SPRY3: variants seen among roughly 807,000 people sequenced by gnomAD.
The protein encoded by SPRY3 is sprouty RTK signaling antagonist 3.
In SPRY3, 15 loss-of-function variants were observed where a neutral mutation model predicts 20.2. The observed-to-expected ratio is 0.74, with a 90% confidence interval of 0.50 to 1.14. The LOEUF is 1.14. SPRY3 is among the 50% of genes most tolerant of loss of function. The probability of loss-of-function intolerance (pLI) is 0.00; values close to 1 mark genes in which losing one functional copy is unlikely to be tolerated. For synonymous variants in SPRY3, 143 were observed against 136.5 expected, an observed-to-expected ratio of 1.05 and a Z score of -0.33; for missense variants, 364 against 363.9, an observed-to-expected ratio of 1.00 and a Z score of 0.00.
At chrX:155,760,401 T>C (rs2091299441) in intron 2 of SPRY3, among the ~76,000 whole-genome samples, 1 of 152,178 alleles carries the variant, frequency 6.6e-6, no homozygotes, top group Non-Finnish European at 1.5e-5. Context: ...CTATAGTTAC[T>C]ATTTATTTGA....
intron 1 of SPRY3, among the ~76,000 whole-genome samples, chrX:155,656,651 G>C (rs7064527): frequency 1.2e-4 from 13 of 110,964 alleles, no homozygotes; most frequent in African/African-American, 4.3e-4. Flanking sequence ...GAGAGGAATT[G>C]CAGTCATTTG....
intron 2 of SPRY3, among the ~76,000 whole-genome samples, chrX:155,730,874 C>A (rs1188660653): frequency 6.6e-6 from 1 of 151,892 alleles, no homozygotes; most frequent in Non-Finnish European, 1.5e-5. Context: ...CAACAGTGAA[C>A]CATCTGAAAA....
intron 1 of SPRY3, among the ~76,000 whole-genome samples, chrX:155,613,120 A>G (rs2067836734): frequency 8.9e-6 from 1 of 112,021 alleles, no homozygotes; most frequent in Admixed American, 9.4e-5. Flanking sequence ...GGGATGAGAA[A>G]AAACAGGCCC....
chrX:155,731,078 A>C (rs972726409), intron 2 of SPRY3, among the ~76,000 whole-genome samples: 2 of 152,126 alleles, frequency 1.3e-5, no homozygotes, highest in Non-Finnish European at 2.9e-5. Context: ...AAAAATGTCC[A>C]TACTACCCAA....
intron 2 of SPRY3, among the ~76,000 whole-genome samples, chrX:155,682,858 C>T (rs747865170): frequency 1.8e-5 from 2 of 111,863 alleles, no homozygotes; most frequent in East Asian, 2.8e-4. Flanking sequence ...AGAATATTCA[C>T]GATTCATGAG....
intron 2 of SPRY3, among the ~76,000 whole-genome samples, chrX:155,673,133 G>A (rs1299430954): frequency 5.3e-4 from 53 of 99,474 alleles, no homozygotes; most frequent in African/African-American, 1.9e-3. Flanking sequence ...GTTAATGGGT[G>A]CAGCACACCA....
At position 155,755,080 on chromosome X, in the gene SPRY3, A is replaced by T. The variant is rs911553758; in HGVS notation, c.-281-12882A>T. Among the ~76,000 whole-genome samples, 12 of 142,822 alleles carry T rather than the reference A, an allele frequency of 8.4e-5. 1 individual carries two copies. The highest frequency in any genetic ancestry group is 7.5e-4 in the Admixed American group (11 of 14,594). 93.7% of individuals were successfully genotyped at this position (142,822 alleles called of 152,430 possible). On this transcript the variant is annotated intron_variant, in intron 2 of 3. Transcript: ENST00000675360. The stretch of plus-strand genomic sequence containing the variant: ...CTCACACGTGCGTGCACACACACAC[A>T]CACACCCTGTAGGCTGTTGGGTAAC...
exon 4 of SPRY3, chrX:155,774,169 T>C (rs2091404421): frequency 1.2e-6 from 2 of 1,613,994 alleles, no homozygotes; most frequent in Non-Finnish European, 1.7e-6. Context: ...TCAAAGGCTC[T>C]TGGCCAGCAT....
At chrX:155,630,064 A>C (rs1158882860) in intron 1 of SPRY3, among the ~76,000 whole-genome samples, 1 of 112,125 alleles carries the variant, frequency 8.9e-6, no homozygotes, top group African/African-American at 3.2e-5. Flanking sequence ...GCTGACAGCA[A>C]CTTAACTTTG....
At chrX:155,750,814 T>A (rs2091258686) in intron 2 of SPRY3, among the ~76,000 whole-genome samples, 2 of 151,872 alleles carry the variant, frequency 1.3e-5, no homozygotes, top group Non-Finnish European at 2.9e-5. Context: ...CACTTGAGGT[T>A]AATGGTCATG....
chrX:155,627,114 A>G (rs1297838982), intron 1 of SPRY3, among the ~76,000 whole-genome samples: 1 of 111,336 alleles, frequency 9.0e-6, no homozygotes, highest in Non-Finnish European at 1.9e-5. Flanking sequence ...TCTCTTAGCT[A>G]TTTTTCAAGA....
intron 2 of SPRY3, among the ~76,000 whole-genome samples, chrX:155,713,857 G>C (rs2091003486): frequency 6.6e-6 from 1 of 152,006 alleles, no homozygotes. Flanking sequence ...CTATTTTCCA[G>C]ATCTGTAGGC....
intron 1 of SPRY3, among the ~76,000 whole-genome samples, chrX:155,619,917 C>A (rs1409441086): frequency 4.5e-5 from 5 of 110,719 alleles, no homozygotes; most frequent in African/African-American, 1.6e-4. Flanking sequence ...GTACGAATGG[C>A]CAATAAACAT....
At chrX:155,725,741 T>G (rs1397682218) in intron 2 of SPRY3, among the ~76,000 whole-genome samples, 1 of 152,070 alleles carries the variant, frequency 6.6e-6, no homozygotes, top group African/African-American at 2.4e-5. Flanking sequence ...AGCGGTCTGT[T>G]GATTTTGTTG....
chrX:155,637,343 G>C (rs1307443318), intron 1 of SPRY3, among the ~76,000 whole-genome samples: 2 of 111,248 alleles, frequency 1.8e-5, no homozygotes, highest in Non-Finnish European at 3.8e-5. Context: ...AGGCCACACT[G>C]TGTGTTATGC....
chrX:155,753,134 G>GTTTAA (rs2091270578), intron 2 of SPRY3, among the ~76,000 whole-genome samples: 2 of 151,808 alleles, frequency 1.3e-5, no homozygotes, highest in South Asian at 4.2e-4. Flanking sequence ...CCCATGTAAT[G>GTTTAA]TGCACAATTT....
chrX:155,687,036 T>C (rs2068089740), intron 2 of SPRY3, among the ~76,000 whole-genome samples: 1 of 112,976 alleles, frequency 8.9e-6, no homozygotes, highest in Non-Finnish European at 1.9e-5. Context: ...GTACTTTGAA[T>C]TGTGATGTTT....
intron 2 of SPRY3, among the ~76,000 whole-genome samples, chrX:155,730,986 A>G (rs2091128982): frequency 6.6e-6 from 1 of 152,068 alleles, no homozygotes; most frequent in South Asian, 2.1e-4. Context: ...AAACTATAAA[A>G]TATTGATGAA....
In SPRY3 at chrX:155,692,894, T is replaced by C. The variant is rs142620335; in HGVS notation, c.-282+35869T>C. 7.0e-3 allele frequency among the ~76,000 whole-genome samples: 782 copies of C among 111,700 alleles called. 6 individuals are homozygous for C. Among genetic ancestry groups the C allele is most frequent in the African/African-American group, 0.024 (741 of 30,873 alleles). ...CTGATGTGCTCTTTGCTATTTCTGA[T>C]ATTGTTTGTTTTCTCTCTCTTTTAT... On this transcript the variant is annotated intron_variant, in intron 2 of 3. Coordinates refer to ENST00000675360, the Ensembl canonical transcript of SPRY3.
Sources: allele counts gnomAD v4.1 joint callset (sites outside exome capture counted in the v4.1 genomes callset), GRCh38; gene constraint gnomAD v4.1.1; transcripts MANE v1.5; gene names NCBI Gene and HGNC (gene_info 2026-07-23, HGNC 2026-07-21).